ARFIP1: variants seen among roughly 807,000 people sequenced by gnomAD.
The protein encoded by ARFIP1 is ARF interacting protein 1, also known as arfaptin-1.
Under a neutral mutation model 42.5 loss-of-function variants are expected in ARFIP1, and 24 were observed. The observed-to-expected ratio is 0.57, with a 90% CI of 0.41 to 0.80. ARFIP1 has a LOEUF of 0.80. ARFIP1 is among the 30% of genes least tolerant of loss of function. The pLI, the probability that ARFIP1 is intolerant of heterozygous loss-of-function variation, is 0.00. For missense variants in ARFIP1, 354 were observed against 434.0 expected, an observed-to-expected ratio of 0.82 and a Z score of 1.64; for synonymous variants, 141 against 153.7, an observed-to-expected ratio of 0.92 and a Z score of 0.61.
At chr4:152,846,803 A>G (rs1253398108) in intron 2 of ARFIP1, among the ~76,000 whole-genome samples, 1 of 152,132 alleles carries the variant, frequency 6.6e-6, no homozygotes, top group African/African-American at 2.4e-5. Flanking sequence ...GCTTTTGTTG[A>G]ATGCATAATG....
At chr4:152,868,657 G>A (rs182478668) in intron 3 of ARFIP1, among the ~76,000 whole-genome samples, 1 of 152,248 alleles carries the variant, frequency 6.6e-6, no homozygotes, top group South Asian at 2.1e-4. Flanking sequence ...TTAAGAAACT[G>A]TAATAACTAG....
chr4:152,796,093 A>G (rs1731452224), intron 1 of ARFIP1: 2 of 745,394 alleles, frequency 2.7e-6, no homozygotes, highest in Non-Finnish European at 2.5e-6. Context: ...TTATGCATCC[A>G]TCATTTTCAG....
chr4:152,889,268 A>G (rs1326414338), intron 8 of ARFIP1, among the ~76,000 whole-genome samples: 1 of 151,868 alleles, frequency 6.6e-6, no homozygotes, highest in Non-Finnish European at 1.5e-5. Flanking sequence ...CATGGCTACT[A>G]TAAAACCTAT....
chr4:152,864,872 G>T (rs1734189952), intron 3 of ARFIP1, among the ~76,000 whole-genome samples: 1 of 148,472 alleles, frequency 6.7e-6, no homozygotes, highest in Non-Finnish European at 1.5e-5. Flanking sequence ...AAAAATATTG[G>T]CTCCTTTCTT....
At chr4:152,883,007 T>A in intron 7 of ARFIP1, 127 bp downstream of exon 7, 3 of 976,818 alleles carry the variant, frequency 3.1e-6, no homozygotes, top group Non-Finnish European at 4.4e-6. Context: ...ACTGGAAAGT[T>A]ATAGGATGCC....
At chr4:152,804,332 TATTTTA>T (rs869110387) in intron 1 of ARFIP1, among the ~76,000 whole-genome samples, 1,564 of 51,914 alleles carry the variant, frequency 0.03, 351 homozygotes, top group South Asian at 0.099. Flanking sequence ...GTATTATATA[TATTTTA>T]TATATATAAT....
chr4:152,841,104 C>A (rs1382001173), intron 2 of ARFIP1, among the ~76,000 whole-genome samples: 2 of 151,750 alleles, frequency 1.3e-5, no homozygotes, highest in Non-Finnish European at 2.9e-5. Context: ...GGCGTGATCT[C>A]GGCTCACTGC....
At chr4:152,869,621 G>GTTTTGC (rs1734709728) in intron 3 of ARFIP1, among the ~76,000 whole-genome samples, 1 of 151,948 alleles carries the variant, frequency 6.6e-6, no homozygotes, top group African/African-American at 2.4e-5. Flanking sequence ...GCAAGATGGT[G>GTTTTGC]TTTTGCCATG....
intron 1 of ARFIP1, among the ~76,000 whole-genome samples, chr4:152,822,500 A>G (rs889349569): frequency 6.6e-6 from 1 of 152,184 alleles, no homozygotes; most frequent in Non-Finnish European, 1.5e-5. Flanking sequence ...GACAGTAGAC[A>G]AATCATTGAG....
chr4:152,797,875 A>G (rs1287079254), intron 1 of ARFIP1, among the ~76,000 whole-genome samples: 1 of 152,136 alleles, frequency 6.6e-6, no homozygotes, highest in Non-Finnish European at 1.5e-5. Context: ...GCAAATAGAG[A>G]TAGTTTTACT....
intron 1 of ARFIP1, among the ~76,000 whole-genome samples, chr4:152,784,649 C>T (rs1247873861): frequency 6.6e-6 from 1 of 152,202 alleles, no homozygotes; most frequent in Non-Finnish European, 1.5e-5. Context: ...GAAGTTCTTG[C>T]CTGGCTTCGT....
In ARFIP1 at chr4:152,833,114, A is replaced by G. The variant is rs147206287; in HGVS notation, c.93+3388A>G. Among the ~76,000 whole-genome samples the G allele has an allele frequency of 1.6e-3, 248 of 152,314 alleles. 1 individual carries two copies. The highest frequency in any genetic ancestry group is 5.8e-3 in the African/African-American group (240 of 41,584). On this transcript the variant is annotated intron_variant, in intron 2 of 8. Coordinates refer to ENST00000353617, the MANE Select transcript of ARFIP1 (RefSeq NM_001025595.3). ...ACAAAATGAAAAGGCATCCTATGGAATGGGAGAAAATATTTGTAAACCATA... is the reference window on the plus strand; with the variant it reads ...ACAAAATGAAAAGGCATCCTATGGAGTGGGAGAAAATATTTGTAAACCATA...
At chr4:152,814,102 T>TCC (rs1729687620) in intron 1 of ARFIP1, among the ~76,000 whole-genome samples, 1 of 121,972 alleles carries the variant, frequency 8.2e-6, no homozygotes, top group Non-Finnish European at 1.7e-5. Context: ...TTCTTCTTTT[T>TCC]TTTTTTTTTT....
intron 1 of ARFIP1, among the ~76,000 whole-genome samples, chr4:152,792,577 C>T (rs1443447947): frequency 6.6e-6 from 1 of 152,150 alleles, no homozygotes; most frequent in Non-Finnish European, 1.5e-5. Flanking sequence ...ACTCCTGCCA[C>T]AGATCCTTTA....
chr4:152,842,822 T>A (rs533723893), intron 2 of ARFIP1, among the ~76,000 whole-genome samples: 9 of 152,272 alleles, frequency 5.9e-5, no homozygotes, highest in Admixed American at 2.6e-4. Context: ...CTTCATTTCT[T>A]ATGTCTTTTT....
chr4:152,857,285 G>A (rs989769995), intron 2 of ARFIP1, among the ~76,000 whole-genome samples: 3 of 152,174 alleles, frequency 2.0e-5, no homozygotes, highest in Admixed American at 1.3e-4. Flanking sequence ...CGCTTAAACC[G>A]AAGCAGGTTC....
chr4:152,882,989 A>G, intron 7 of ARFIP1, 109 bp downstream of exon 7: 1 of 1,168,774 alleles, frequency 8.6e-7, no homozygotes, highest in Non-Finnish European at 1.2e-6. Context: ...TGGGCAGGAA[A>G]AAAATGTACT....
chr4:152,835,570 G>A (rs182468654), intron 2 of ARFIP1, among the ~76,000 whole-genome samples: 1 of 152,206 alleles, frequency 6.6e-6, no homozygotes, highest in East Asian at 1.9e-4. Context: ...TCTCTAAGAG[G>A]TTCCAAATTT....
At chr4:152,855,635 A>G (rs1421185202) in intron 2 of ARFIP1, among the ~76,000 whole-genome samples, 1 of 152,156 alleles carries the variant, frequency 6.6e-6, no homozygotes, top group Non-Finnish European at 1.5e-5. Context: ...GAGCTCTGAA[A>G]TGGCACCTTG....
Sources: gnomAD v4.1 joint callset for allele counts (sites outside exome capture counted in the v4.1 genomes callset) on GRCh38, gnomAD v4.1.1 for gene constraint, MANE v1.5 for transcripts, NCBI Gene and HGNC (gene_info 2026-07-23, HGNC 2026-07-21) for gene names.